KPNA1: variants seen among roughly 807,000 people sequenced by gnomAD.
KPNA1 encodes the protein importin subunit alpha-5.
Under a neutral mutation model 70.5 loss-of-function variants are expected in KPNA1, and 10 were observed. That is an observed-to-expected ratio of 0.14 (90% CI 0.09 to 0.24). KPNA1 has a LOEUF of 0.24. KPNA1 is among the 10% of genes least tolerant of loss of function. The pLI, the probability that KPNA1 is intolerant of heterozygous loss-of-function variation, is 1.00. For synonymous variants in KPNA1, 192 were observed against 221.9 expected, an observed-to-expected ratio of 0.87 and a Z score of 1.20; for missense variants, 397 against 637.9, an observed-to-expected ratio of 0.62 and a Z score of 4.07.
intron 11 of KPNA1, 44 bp from the exon 12 acceptor site, chr3:122,433,832 A>G (rs751098717): frequency 6.9e-7 from 1 of 1,446,102 alleles, no homozygotes. Context: ...TGTGAGATTT[A>G]TAAAAATATT....
chr3:122,484,214 G>A (rs2107483911), intron 2 of KPNA1, among the ~76,000 whole-genome samples: 1 of 152,214 alleles, frequency 6.6e-6, no homozygotes, highest in Admixed American at 6.5e-5. Flanking sequence ...TTAAAAATTT[G>A]CCTCCAGATT....
chr3:122,497,193 T>C (rs950497426), intron 1 of KPNA1, among the ~76,000 whole-genome samples: 6 of 152,346 alleles, frequency 3.9e-5, no homozygotes, highest in Non-Finnish European at 5.9e-5. Flanking sequence ...TAATATGCAG[T>C]ATTTTGTGAC....
intron 1 of KPNA1, among the ~76,000 whole-genome samples, chr3:122,501,427 A>AT (rs1356248675): frequency 6.6e-6 from 1 of 152,140 alleles, no homozygotes; most frequent in Non-Finnish European, 1.5e-5. Context: ...ATTTTCATTT[A>AT]TCCCAAAGTG....
intron 5 of KPNA1, among the ~76,000 whole-genome samples, chr3:122,455,449 AT>A (rs2076254046): frequency 6.6e-6 from 1 of 152,194 alleles, no homozygotes; most frequent in African/African-American, 2.4e-5. Context: ...TGAAATAAAA[AT>A]TCTTCCCATA....
At chr3:122,464,895 T>G (rs2076363284) in intron 3 of KPNA1, among the ~76,000 whole-genome samples, 1 of 152,158 alleles carries the variant, frequency 6.6e-6, no homozygotes, top group African/African-American at 2.4e-5. Context: ...AGAATCCTCA[T>G]AGGGGAATAT....
intron 2 of KPNA1, among the ~76,000 whole-genome samples, chr3:122,485,081 G>A (rs1386554482): frequency 6.6e-6 from 1 of 151,932 alleles, no homozygotes; most frequent in Non-Finnish European, 1.5e-5. Context: ...TGTTGTTGTT[G>A]TTTTGTTCTT....
At chr3:122,501,995 G>A (rs545476989) in intron 1 of KPNA1, among the ~76,000 whole-genome samples, 4 of 152,298 alleles carry the variant, frequency 2.6e-5, no homozygotes, top group African/African-American at 9.6e-5. Context: ...GCTAAAAGCT[G>A]CATAAATAAT....
At position 122,451,820 on chromosome 3, in the gene KPNA1, G is replaced by T. The variant is rs186703053; in HGVS notation, c.653+156C>A. Among the ~76,000 whole-genome samples, 28 of 152,254 alleles carry T rather than the reference G, an allele frequency of 1.8e-4. No individual in the cohort carries two copies. The East Asian group carries it at 5.4e-3, about 29-fold the overall frequency. ...GAATTTTGGCATGGAAAAAGATAGG[G>T]TGCTTGAGGAAATGATCTAAACAAG... On this transcript the variant is annotated intron_variant, in intron 7 of 13. Coordinates refer to ENST00000344337, the MANE Select transcript of KPNA1 (RefSeq NM_002264.4).
chr3:122,459,853 T>C, intron 5 of KPNA1: 3 of 985,360 alleles, frequency 3.0e-6, no homozygotes, highest in Non-Finnish European at 3.6e-6. Context: ...AAAGAAGGGA[T>C]AGGAGGAAAG....
intron 2 of KPNA1, among the ~76,000 whole-genome samples, chr3:122,471,102 A>C (rs2076437645): frequency 6.6e-6 from 1 of 152,186 alleles, no homozygotes; most frequent in Non-Finnish European, 1.5e-5. Context: ...GCAAAATTGG[A>C]ATTCAGTGGC....
At chr3:122,495,957 C>T (rs910383052) in intron 2 of KPNA1, among the ~76,000 whole-genome samples, 3 of 152,040 alleles carry the variant, frequency 2.0e-5, no homozygotes, top group Non-Finnish European at 4.4e-5. Context: ...AAGACAAACA[C>T]GAAGCAAGTG....
chr3:122,462,387 T>C (rs2076334059), intron 4 of KPNA1, among the ~76,000 whole-genome samples: 3 of 152,154 alleles, frequency 2.0e-5, no homozygotes. Context: ...TACTATGCCA[T>C]GACTATCAAA....
At chr3:122,485,956 C>G (rs2076624587) in intron 2 of KPNA1, among the ~76,000 whole-genome samples, 2 of 152,116 alleles carry the variant, frequency 1.3e-5, no homozygotes, top group Non-Finnish European at 2.9e-5. Context: ...CTCAGAATAG[C>G]TGAAATAGAA....
At chr3:122,467,813 T>C (rs1401886917) in intron 2 of KPNA1, among the ~76,000 whole-genome samples, 1 of 152,156 alleles carries the variant, frequency 6.6e-6, no homozygotes, top group East Asian at 1.9e-4. Context: ...ATAAAAACTA[T>C]GTTCAAATGA....
Position 122,426,896 on chromosome 3 carries a change from A to C in KPNA1, c.*89T>G. 9.9e-7 allele frequency: 1 copy of C among 1,011,534 alleles called. No homozygotes were observed. Among genetic ancestry groups the C allele is most frequent in the East Asian group, 2.4e-5 (1 of 41,614 alleles). 62.7% of individuals were successfully genotyped at this position (1,011,534 alleles called of 1,614,324 possible). A position where few individuals can be genotyped will look rare whatever the true frequency, so the allele number is the denominator to read the frequency against. On this transcript the variant is annotated 3_prime_UTR_variant, in exon 14 of 14. Coordinates refer to ENST00000344337, the MANE Select transcript of KPNA1 (RefSeq NM_002264.4). Reference sequence around the variant, plus strand: ...AACAGTATTATGGAAAACATTTGAGAAGTTAGCTCCATGAGGACTGTGGGC... The same window carrying C: ...AACAGTATTATGGAAAACATTTGAGCAGTTAGCTCCATGAGGACTGTGGGC...
At position 122,500,499 on chromosome 3, in the gene KPNA1, AT is replaced by A. The variant is rs535758181; in HGVS notation, c.-5-3930del. Among the ~76,000 whole-genome samples the A allele has an allele frequency of 4.9e-3, 702 of 144,636 alleles. 3 individuals carry two copies. The highest frequency in any genetic ancestry group is 0.014 in the African/African-American group (543 of 39,014). 94.9% of individuals were successfully genotyped at this position (144,636 alleles called of 152,430 possible). On this transcript the variant is annotated intron_variant, in intron 1 of 13. Transcript: ENST00000344337. ...AGTAATGTCTCCTCTTTCATTTCTA[AT>A]TTTTTTTTTCCCCCAGATACTCTCT... is the stretch of plus-strand genomic sequence containing the variant.
chr3:122,467,559 C>T (rs2076395387), intron 2 of KPNA1, 130 bp from the exon 3 acceptor site: 1 of 532,270 alleles, frequency 1.9e-6, no homozygotes, highest in African/African-American at 1.9e-5. Context: ...AAGCTGTCAG[C>T]TTTTACTGAT....
At chr3:122,434,807 C>A (rs1361903559) in intron 11 of KPNA1, among the ~76,000 whole-genome samples, 5 of 152,210 alleles carry the variant, frequency 3.3e-5, no homozygotes, top group Non-Finnish European at 5.9e-5. Flanking sequence ...GGGTTTATAT[C>A]ATTTCCTACA....
chr3:122,432,556 T>C (rs2075925381), intron 12 of KPNA1: 1 of 152,224 alleles, frequency 6.6e-6, no homozygotes, highest in South Asian at 2.1e-4. Flanking sequence ...ATATTACGTA[T>C]GAGTAAGGAG....
Sources: allele counts gnomAD v4.1 joint callset (sites outside exome capture counted in the v4.1 genomes callset), GRCh38; gene constraint gnomAD v4.1.1; transcripts MANE v1.5; gene names NCBI Gene and HGNC (gene_info 2026-07-23, HGNC 2026-07-21).